The following ENTPD5 variants were observed in gnomAD, a reference collection of about 807,000 sequenced individuals.
ENTPD5 encodes ectonucleoside triphosphate diphosphohydrolase 5 (inactive), also known as nucleoside diphosphate phosphatase ENTPD5.
Under a neutral mutation model 60.2 loss-of-function variants are expected in ENTPD5, and 49 were observed. The observed-to-expected ratio is 0.81, with a 90% CI of 0.65 to 1.03. ENTPD5 has a LOEUF of 1.03. Among genes scored for constraint, ENTPD5 ranks in the 50% least tolerant of loss-of-function variants. The pLI is 0.00. For synonymous variants in ENTPD5, 187 were observed against 185.4 expected, an observed-to-expected ratio of 1.01 and a Z score of -0.07; for missense variants, 480 against 507.6, an observed-to-expected ratio of 0.95 and a Z score of 0.52.
In ENTPD5 at chr14:73,976,029, A is replaced by G. The variant is rs978914027; in HGVS notation, c.643-14T>C. ...TTCCAGAGTTTTCTGCAAATCAGAA[A>G]AAGCAAAAAGACTATTCAGGATCTG... On this transcript the variant is annotated splice_polypyrimidine_tract_variant and intron_variant, in intron 9 of 15. Coordinates refer to ENST00000334696, the MANE Select transcript of ENTPD5 (RefSeq NM_001249.5). 1.2e-6 allele frequency: 2 copies of G among 1,603,754 alleles called. No homozygotes were observed. Among genetic ancestry groups the G allele is most frequent in the Admixed American group, 1.7e-5 (1 of 59,854 alleles).
At chr14:74,019,203 C>CG in intron 1 of ENTPD5, 47 bp downstream of exon 1, 1 of 158,830 alleles carries the variant, frequency 6.3e-6, no homozygotes, top group Non-Finnish European at 1.4e-5. Flanking sequence ...CCGCAGAGCC[C>CG]GGGCCCCACG....
chr14:74,007,348 C>T (rs548556229), intron 3 of ENTPD5, among the ~76,000 whole-genome samples: 15 of 151,338 alleles, frequency 9.9e-5, no homozygotes, highest in African/African-American at 1.7e-4. Context: ...GGTGAAACCC[C>T]GTCTCTACTA....
At chr14:73,958,242 C>T, downstream of ENTPD5, 1 of 1,613,964 alleles carries the variant, frequency 6.2e-7, no homozygotes, top group African/African-American at 1.3e-5. Context: ...TCATATTACC[C>T]TAGGTGATGG....
intron 3 of ENTPD5, among the ~76,000 whole-genome samples, chr14:74,001,046 C>T (rs1208521865): frequency 6.6e-6 from 1 of 151,968 alleles, no homozygotes; most frequent in East Asian, 1.9e-4. Flanking sequence ...CACAGTGAGA[C>T]CCTATCCGTA....
downstream of ENTPD5, chr14:73,959,133 C>A: frequency 6.2e-7 from 1 of 1,614,216 alleles, no homozygotes; most frequent in Non-Finnish European, 8.5e-7. Flanking sequence ...AGGTACTTCA[C>A]AGAGAAACTT....
At chr14:73,998,052 A>G (rs2058391841) in intron 3 of ENTPD5, among the ~76,000 whole-genome samples, 1 of 152,156 alleles carries the variant, frequency 6.6e-6, no homozygotes, top group Non-Finnish European at 1.5e-5. Context: ...TACAGGCAGA[A>G]AGAATGAGGG....
intron 3 of ENTPD5, among the ~76,000 whole-genome samples, chr14:74,005,494 C>T (rs73301493): frequency 2.0e-5 from 3 of 151,858 alleles, no homozygotes; most frequent in Non-Finnish European, 4.4e-5. Context: ...GCCATCACAT[C>T]GGCTGCTATT....
chr14:73,957,888 G>A (rs1157794542), downstream of ENTPD5: 9 of 443,328 alleles, frequency 2.0e-5, no homozygotes, highest in East Asian at 4.8e-5. Context: ...AAATGGAGGC[G>A]CAGAAGCATG....
At chr14:73,955,598 A>G (rs760393446), downstream of ENTPD5, 1 of 1,382,866 alleles carries the variant, frequency 7.2e-7, no homozygotes, top group Non-Finnish European at 1.0e-6. Flanking sequence ...CTGTGAATGT[A>G]GGAGGAATCA....
At chr14:74,017,450 G>C (rs140958854) in intron 1 of ENTPD5, among the ~76,000 whole-genome samples, 2,556 of 148,498 alleles carry the variant, frequency 0.017, 61 homozygotes, top group East Asian at 0.056. Context: ...ATGGTGGTGT[G>C]TGCCTGTAAT....
At chr14:73,978,292 T>C (rs1436965129) in intron 6 of ENTPD5, among the ~76,000 whole-genome samples, 2 of 148,530 alleles carry the variant, frequency 1.3e-5, no homozygotes, top group Non-Finnish European at 1.5e-5. Flanking sequence ...TCAAATCATG[T>C]GTTTCCTTGG....
downstream of ENTPD5, among the ~76,000 whole-genome samples, chr14:73,962,149 T>C (rs2056768924): frequency 6.6e-6 from 1 of 152,022 alleles, no homozygotes; most frequent in Non-Finnish European, 1.5e-5. Flanking sequence ...GGTTTCACCA[T>C]GTTGGCCAAG....
At chr14:73,998,500 C>T (rs906422822) in intron 3 of ENTPD5, among the ~76,000 whole-genome samples, 2 of 151,932 alleles carry the variant, frequency 1.3e-5, no homozygotes, top group South Asian at 4.1e-4. Flanking sequence ...TTAGCAATTT[C>T]TTACTGCTGC....
downstream of ENTPD5, chr14:73,956,032 A>G: frequency 6.5e-7 from 1 of 1,545,706 alleles, no homozygotes; most frequent in South Asian, 1.1e-5. Flanking sequence ...ACCATAAAGA[A>G]ATCCTCTGAT....
chr14:73,976,409 T>G lies in ENTPD5; in HGVS notation c.557A>C (p.Gln186Pro). 6.2e-7 allele frequency: 1 copy of G among 1,614,050 alleles called. No individual in the cohort carries two copies. The highest frequency in any genetic ancestry group is 2.2e-5 in the East Asian group (1 of 44,888). Residue 186 changes from glutamine to proline, a missense_variant, in exon 9 of 16, where the codon CAG (glutamine) becomes CCG (proline). Coordinates refer to ENST00000334696, the MANE Select transcript of ENTPD5 (RefSeq NM_001249.5). Reference sequence around the variant, plus strand: ...AGTCTCCTGTCTGTGGCCATGCAGCTGACCTGTCAAATGAGAGCCAGCTCT... The same window carrying G: ...AGTCTCCTGTCTGTGGCCATGCAGCGGACCTGTCAAATGAGAGCCAGCTCT... ...AWVTVNFLTGQLHGHRQETVG... is the reference protein window; with the variant it reads ...AWVTVNFLTGPLHGHRQETVG...
rs757982417 is a variant in ENTPD5, at chr14:73,977,340, A to G, written c.476T>C (p.Val159Ala). The change falls in exon 7 of 16, where the codon GTA becomes GCA. Residue 159 changes from valine (V) to alanine (A), a missense_variant. Physicochemically the swap from Val to Ala is moderately conservative, Grantham distance 64. Transcript: ENST00000334696. Reference protein sequence around the residue: ...KEIFRKSPFLVPKGSVSIMDG... With the variant: ...KEIFRKSPFLAPKGSVSIMDG... ...CATGATGCTAACACTGCCCTTTGGT[A>G]CCAGGAAAGGTGACTTCCTGAAGAT... is the stretch of plus-strand genomic sequence containing the variant. 9.9e-6 allele frequency: 16 copies of G among 1,610,244 alleles called. No individual in the cohort carries two copies. The highest frequency in any genetic ancestry group is 5.9e-6 in the Non-Finnish European group (7 of 1,177,888).
At chr14:74,011,910 G>A (rs2058857186) in intron 2 of ENTPD5, among the ~76,000 whole-genome samples, 2 of 152,172 alleles carry the variant, frequency 1.3e-5, no homozygotes, top group South Asian at 4.1e-4. Context: ...TTGGGAGGCT[G>A]AGGTGAAAGA....
chr14:73,967,799 CAAA>C (rs33926682), intron 15 of ENTPD5, among the ~76,000 whole-genome samples: 77 of 97,808 alleles, frequency 7.9e-4, no homozygotes, highest in Non-Finnish European at 1.1e-3. Flanking sequence ...GACCCTGTCT[CAAA>C]AAAAAAAAAA....
Position 73,973,003 on chromosome 14 carries a change from C to T in ENTPD5, c.908G>A (p.Cys303Tyr). ...TACCACCCTCAGCACTTCGGCATAG[C>T]AGGGCTCAAAGCCCACCTCCCCTGC... ...NQEGEVGFEP[C>Y]YAEVLRVVRG... The change falls in exon 13 of 16, where the codon TGC becomes TAC. Residue 303 changes from cysteine to tyrosine, a missense_variant. Coordinates refer to ENST00000334696, the MANE Select transcript of ENTPD5 (RefSeq NM_001249.5). 6.2e-7 allele frequency: 1 copy of T among 1,614,172 alleles called. No individual in the cohort carries two copies. The highest frequency in any genetic ancestry group is 1.3e-5 in the African/African-American group (1 of 75,044).
Sources: allele counts gnomAD v4.1 joint callset (sites outside exome capture counted in the v4.1 genomes callset), GRCh38; gene constraint gnomAD v4.1.1; transcripts MANE v1.5; gene names NCBI Gene and HGNC (gene_info 2026-07-23, HGNC 2026-07-21).